Variants in UBAP2 observed in about 807,000 individuals in gnomAD.
The protein encoded by UBAP2 is ubiquitin-associated protein 2.
UBAP2 carries 75 observed loss-of-function variants against 139.6 expected under a neutral mutation model. That is an observed-to-expected ratio of 0.54 (90% confidence interval 0.45 to 0.65). The LOEUF is 0.65. Ranked by LOEUF, UBAP2 falls within the 30% of genes least tolerant of loss-of-function variation. The probability of loss-of-function intolerance (pLI) is 0.00; values close to 1 mark genes in which losing one functional copy is unlikely to be tolerated. For missense variants in UBAP2, 1,368 were observed against 1,369.6 expected, an observed-to-expected ratio of 1.00 and a Z score of 0.02; for synonymous variants, 526 against 526.2, an observed-to-expected ratio of 1.00 and a Z score of 0.01.
At chr9:33,988,237 C>T (rs834027) in intron 5 of UBAP2, among the ~76,000 whole-genome samples, 60,565 of 151,994 alleles carry the variant, frequency 0.4, 12,460 homozygotes, top group South Asian at 0.48. Context: ...ATTTTACTTA[C>T]TTTATTCATT....
chr9:33,972,573 G>A (rs982894273), intron 7 of UBAP2, among the ~76,000 whole-genome samples: 3 of 152,096 alleles, frequency 2.0e-5, no homozygotes, highest in African/African-American at 7.2e-5. Flanking sequence ...CTGCATCTAC[G>A]TATGGCTTCC....
intron 1 of UBAP2, among the ~76,000 whole-genome samples, chr9:34,021,469 T>G (rs1824933515): frequency 6.6e-6 from 1 of 152,206 alleles, no homozygotes; most frequent in African/African-American, 2.4e-5. Flanking sequence ...TTTATCATTT[T>G]GGTTGTATTA....
chr9:33,955,439 A>C (rs996820878), intron 11 of UBAP2, among the ~76,000 whole-genome samples: 2 of 127,458 alleles, frequency 1.6e-5, no homozygotes, highest in Non-Finnish European at 3.4e-5. Context: ...GAATCACTTG[A>C]ACTCAGGACG....
intron 8 of UBAP2, among the ~76,000 whole-genome samples, chr9:33,970,261 T>C (rs555147668): frequency 3.1e-4 from 47 of 152,052 alleles, no homozygotes; most frequent in African/African-American, 1.0e-3. Context: ...GTTCTCACCT[T>C]CCCTTGATGA....
chr9:33,999,324 TAA>T (rs201516750), intron 2 of UBAP2, among the ~76,000 whole-genome samples: 3 of 133,900 alleles, frequency 2.2e-5, no homozygotes, highest in African/African-American at 2.8e-5. Context: ...TTAAAAAGAT[TAA>T]AAAAAAAAAA....
intron 8 of UBAP2, among the ~76,000 whole-genome samples, chr9:33,968,919 A>G (rs973526938): frequency 6.6e-6 from 1 of 152,224 alleles, no homozygotes; most frequent in African/African-American, 2.4e-5. Context: ...TTTCAGATAA[A>G]TAAAATCATA....
intron 1 of UBAP2, among the ~76,000 whole-genome samples, chr9:34,044,397 T>A (rs1827384308): frequency 2.0e-5 from 3 of 146,536 alleles, no homozygotes; most frequent in Non-Finnish European, 4.5e-5. Context: ...CAAGACTCTG[T>A]CTCGAAAAAA....
At chr9:33,964,478 A>G (rs1827300484) in intron 8 of UBAP2, among the ~76,000 whole-genome samples, 1 of 152,138 alleles carries the variant, frequency 6.6e-6, no homozygotes, top group South Asian at 2.1e-4. Context: ...CTGCTTCAAC[A>G]CTTGCACAAC....
chr9:33,924,168 C>T (rs1336736191), intron 23 of UBAP2, 38 bp downstream of exon 23: 19 of 1,609,686 alleles, frequency 1.2e-5, no homozygotes, highest in South Asian at 5.5e-5. Context: ...CGCGCTAGGC[C>T]GGCCCCGGGC....
At chr9:33,962,115 T>C (rs1053546600) in intron 9 of UBAP2, among the ~76,000 whole-genome samples, 15 of 152,004 alleles carry the variant, frequency 9.9e-5, no homozygotes, top group African/African-American at 3.6e-4. Flanking sequence ...AAGATAAACA[T>C]ACACACACAG....
At chr9:34,015,789 C>T (rs553896594) in intron 2 of UBAP2, among the ~76,000 whole-genome samples, 5 of 152,224 alleles carry the variant, frequency 3.3e-5, no homozygotes, top group Admixed American at 1.3e-4. Flanking sequence ...CCACCTCAGC[C>T]GCCCAAGTAC....
At chr9:33,969,866 AC>A (rs1236297558) in intron 8 of UBAP2, among the ~76,000 whole-genome samples, 1 of 89,372 alleles carries the variant, frequency 1.1e-5, no homozygotes, top group Non-Finnish European at 2.3e-5. Flanking sequence ...CACCTCAAAC[AC>A]CCCCCCACCC....
Position 34,048,806 on chromosome 9 carries a change from G to C in UBAP2, c.-42+19C>G, listed in dbSNP as rs929823792. 2.0e-5 allele frequency: 3 copies of C among 152,656 alleles called. No individual in the cohort carries two copies. Among genetic ancestry groups the C allele is most frequent in the African/African-American group, 4.8e-5 (2 of 41,446 alleles). 9.5% of individuals were successfully genotyped at this position (152,656 alleles called of 1,614,324 possible). A position where few individuals can be genotyped will look rare whatever the true frequency, so the allele number is the denominator to read the frequency against. On this transcript the variant is annotated intron_variant, in intron 1 of 28. Transcript: ENST00000379238. ...CAGGGCCCTGGAAGAGGGAAGGAGA[G>C]GGAGAGGATGGCAATTACCGCTGCT... is the stretch of plus-strand genomic sequence containing the variant.
At chr9:34,015,051 A>G (rs1250126251) in intron 2 of UBAP2, among the ~76,000 whole-genome samples, 1 of 152,224 alleles carries the variant, frequency 6.6e-6, no homozygotes, top group East Asian at 1.9e-4. Flanking sequence ...TCAACAGGGC[A>G]CTTGGGTATA....
Position 34,038,699 on chromosome 9 carries a change from C to T in UBAP2, c.-42+10126G>A, listed in dbSNP as rs537807275. On this transcript the variant is annotated intron_variant, in intron 1 of 28. Coordinates refer to ENST00000379238, the MANE Select transcript of UBAP2 (RefSeq NM_001370062.2). Reference sequence around the variant, plus strand: ...GCCGAGATTGTAGCCTCTGCCCGGCCGCCACCCCGTCTGGGAAGTGAGGAG... The same window carrying T: ...GCCGAGATTGTAGCCTCTGCCCGGCTGCCACCCCGTCTGGGAAGTGAGGAG... Among the ~76,000 whole-genome samples, 485 of 152,238 alleles carry T rather than the reference C, an allele frequency of 3.2e-3. 5 individuals are homozygous for T. Among genetic ancestry groups the T allele is most frequent in the Non-Finnish European group, 4.0e-3 (275 of 68,012 alleles).
intron 12 of UBAP2, among the ~76,000 whole-genome samples, chr9:33,949,325 G>C (rs142032256): frequency 3.6e-4 from 55 of 152,188 alleles, no homozygotes; most frequent in African/African-American, 1.3e-3. Context: ...TATTTTCCTA[G>C]TCTGTGAACC....
intron 4 of UBAP2, among the ~76,000 whole-genome samples, chr9:33,993,886 G>C (rs574361127): frequency 6.3e-4 from 87 of 138,454 alleles, no homozygotes; most frequent in African/African-American, 2.2e-3. Context: ...GAAAAGTTCA[G>C]CTTTGCTTTC....
At chr9:34,026,576 T>C (rs1825418911) in intron 1 of UBAP2, among the ~76,000 whole-genome samples, 1 of 152,150 alleles carries the variant, frequency 6.6e-6, no homozygotes, top group Non-Finnish European at 1.5e-5. Context: ...CCTTCATCTA[T>C]ATATGTCCAC....
intron 2 of UBAP2, among the ~76,000 whole-genome samples, chr9:34,011,121 G>A (rs888462387): frequency 3.9e-5 from 6 of 152,100 alleles, no homozygotes; most frequent in African/African-American, 1.4e-4. Context: ...CTTGATGGGT[G>A]AAAGAATCTC....
Sources: allele counts gnomAD v4.1 joint callset (sites outside exome capture counted in the v4.1 genomes callset), GRCh38; gene constraint gnomAD v4.1.1; transcripts MANE v1.5; gene names NCBI Gene and HGNC (gene_info 2026-07-23, HGNC 2026-07-21).